PCLO: variants seen among roughly 807,000 people sequenced by gnomAD.
PCLO encodes piccolo presynaptic cytomatrix protein.
In PCLO, 82 loss-of-function variants were observed where a neutral mutation model predicts 427.5. The ratio of observed to expected loss-of-function variants is 0.19; its 90% CI spans 0.16 to 0.23. PCLO has a LOEUF of 0.23. Among genes scored for constraint, PCLO ranks in the 10% least tolerant of loss-of-function variants. The pLI is 1.00. For missense variants in PCLO, 6,239 were observed against 6,115.9 expected, an observed-to-expected ratio of 1.02 and a Z score of -0.67; for synonymous variants, 2,357 against 2,155.4, an observed-to-expected ratio of 1.09 and a Z score of -2.59.
chr7:82,962,728 T>C (rs1200192942), intron 4 of PCLO, among the ~76,000 whole-genome samples: 1 of 151,946 alleles, frequency 6.6e-6, no homozygotes, highest in Non-Finnish European at 1.5e-5. Flanking sequence ...ATTTCTCTGA[T>C]TGGAATTATA....
rs1386825988 is a variant in PCLO, at chr7:82,956,126, T to A, written c.4827A>T (p.Arg1609Ser). The A allele has an allele frequency of 6.2e-7, 1 of 1,609,406 alleles. No individual in the cohort carries two copies. Among genetic ancestry groups the A allele is most frequent in the Non-Finnish European group, 8.5e-7 (1 of 1,179,854 alleles). Reference sequence around the variant, plus strand: ...TTGTGCTACTTTTTCGAGTCAGTCGTCTGTGTTTCCCTGCTGTTATTTTGC... The same window carrying A: ...TTGTGCTACTTTTTCGAGTCAGTCGACTGTGTTTCCCTGCTGTTATTTTGC... ...GKGKITAGKH[R>S]RLTRKSSTSI... is the part of the protein sequence containing the mutation. The change falls in exon 5 of 25, where the codon AGA (arginine) becomes AGT (serine). Residue 1609 changes from arginine (R) to serine (S), a missense_variant. Around this residue, in one of 5 missense-constraint regions of PCLO, gnomAD observed 4,677 missense variants for 4,468.4 expected, o/e 1.05. Transcript: ENST00000333891.
chr7:82,971,425 T>C (rs1208609352), intron 3 of PCLO, among the ~76,000 whole-genome samples: 1 of 150,768 alleles, frequency 6.6e-6, no homozygotes, highest in Non-Finnish European at 1.5e-5. Context: ...TGTGTATATA[T>C]ATGTGTGTGT....
chr7:83,113,333 G>A (rs527796353), intron 3 of PCLO, among the ~76,000 whole-genome samples: 24 of 152,208 alleles, frequency 1.6e-4, no homozygotes, highest in African/African-American at 2.9e-4. Flanking sequence ...GGATCACCAC[G>A]CCTGTTTTCT....
chr7:82,902,273 G>A (rs1206229170), intron 9 of PCLO, among the ~76,000 whole-genome samples: 1 of 151,676 alleles, frequency 6.6e-6, no homozygotes, highest in African/African-American at 2.4e-5. Context: ...CATGTCCTTT[G>A]TAGGGACATG....
At chr7:82,987,358 T>A (rs1796279632) in intron 3 of PCLO, among the ~76,000 whole-genome samples, 1 of 152,118 alleles carries the variant, frequency 6.6e-6, no homozygotes, top group South Asian at 2.1e-4. Flanking sequence ...AATGCATACA[T>A]AATGTTTACC....
intron 21 of PCLO, among the ~76,000 whole-genome samples, chr7:82,803,179 A>G (rs969192360): frequency 6.6e-6 from 1 of 152,074 alleles, no homozygotes; most frequent in African/African-American, 2.4e-5. Context: ...TTAGCATTAG[A>G]GGGGAAAAAA....
chr7:82,792,847 G>T (rs1221929167), intron 22 of PCLO, among the ~76,000 whole-genome samples: 2 of 151,896 alleles, frequency 1.3e-5, no homozygotes, highest in Non-Finnish European at 2.9e-5. Context: ...GGTATATGAA[G>T]ATTTAGCTTT....
chr7:82,990,173 G>A, intron 3 of PCLO, among the ~76,000 whole-genome samples: 1 of 152,226 alleles, frequency 6.6e-6, no homozygotes, highest in Non-Finnish European at 1.5e-5. Flanking sequence ...GAGAGTCAAT[G>A]AATTCACTGT....
In PCLO at chr7:83,155,796, T is replaced by C; in HGVS notation, c.845A>G (p.Gln282Arg). 6.2e-7 allele frequency: 1 copy of C among 1,613,912 alleles called. No homozygotes were observed. Among genetic ancestry groups the C allele is most frequent in the Non-Finnish European group, 8.5e-7 (1 of 1,179,824 alleles). ...LPLQRDASRP[Q>R]TKQADIVRGE... ...CCTTACTATGTCTGCCTGTTTAGTC[T>C]GAGGCCTGGATGCATCTCGTTGAAG... Residue 282 changes from glutamine to arginine, a missense_variant, in exon 2 of 25, where the codon CAG (glutamine) becomes CGG (arginine). By Grantham distance (43) the Gln-to-Arg change is conservative. Transcript: ENST00000333891.
chr7:82,877,152 A>T (rs1793392874), intron 10 of PCLO, among the ~76,000 whole-genome samples: 1 of 152,078 alleles, frequency 6.6e-6, no homozygotes, highest in Non-Finnish European at 1.5e-5. Flanking sequence ...TTTAAAATTA[A>T]ACTTATGAAC....
At chr7:83,118,806 A>G (rs1791199913) in intron 3 of PCLO, among the ~76,000 whole-genome samples, 1 of 152,108 alleles carries the variant, frequency 6.6e-6, no homozygotes, top group South Asian at 2.1e-4. Flanking sequence ...CTCAAGTACT[A>G]CAAGGACTGG....
At chr7:82,899,881 C>T (rs1206899081) in intron 9 of PCLO, among the ~76,000 whole-genome samples, 1 of 151,372 alleles carries the variant, frequency 6.6e-6, no homozygotes, top group African/African-American at 2.4e-5. Flanking sequence ...AAAACAGGCA[C>T]ATTGGCATAG....
intron 3 of PCLO, among the ~76,000 whole-genome samples, chr7:83,065,498 T>TAAAA (rs780514400): frequency 9.6e-6 from 1 of 104,166 alleles, no homozygotes; most frequent in Non-Finnish European, 2.1e-5. Context: ...GCTCAAAATG[T>TAAAA]AAAAAAAAAA....
intron 3 of PCLO, among the ~76,000 whole-genome samples, chr7:83,093,493 T>TATATA (rs61169701): frequency 0.016 from 993 of 63,420 alleles, 17 homozygotes; most frequent in African/African-American, 0.06. Context: ...TATATATATA[T>TATATA]TTTTTTTTTT....
Position 82,791,059 on chromosome 7 carries a change from C to T in PCLO, c.15007+10459G>A, listed in dbSNP as rs1046063890. On this transcript the variant is annotated intron_variant, in intron 22 of 24. Coordinates refer to ENST00000333891, the MANE Select transcript of PCLO (RefSeq NM_033026.6). Reference sequence around the variant, plus strand: ...TATCAAGTGGGCACTTTGTGCAAGTCCCTGTGCCAGACACTGGGAATAGCA... The same window carrying T: ...TATCAAGTGGGCACTTTGTGCAAGTTCCTGTGCCAGACACTGGGAATAGCA... Among the ~76,000 whole-genome samples the T allele has an allele frequency of 3.3e-5, 5 of 152,244 alleles. No individual in the cohort carries two copies. The East Asian group carries it at 9.7e-4, about 29-fold the overall frequency.
intron 3 of PCLO, among the ~76,000 whole-genome samples, chr7:83,065,516 G>T (rs1399049336): frequency 7.8e-6 from 1 of 127,786 alleles, no homozygotes; most frequent in African/African-American, 3.0e-5. Flanking sequence ...AAAAAAAAAA[G>T]CAAGTACTCC....
At chr7:83,055,485 C>T (rs1224131347) in intron 3 of PCLO, among the ~76,000 whole-genome samples, 1 of 152,208 alleles carries the variant, frequency 6.6e-6, no homozygotes, top group Non-Finnish European at 1.5e-5. Context: ...TCTATTGCCC[C>T]CAACATTGCA....
chr7:82,880,556 A>T (rs778851230), intron 9 of PCLO: 5 of 215,012 alleles, frequency 2.3e-5, no homozygotes, highest in Non-Finnish European at 2.0e-5. Context: ...AGTGGCTCTC[A>T]AATGGGGGTG....
In PCLO at chr7:83,003,949, C is replaced by T. The variant is rs190164306; in HGVS notation, c.3301-37462G>A. ...ACTAAAAAAAAAAAAGTTTGGTAGA[C>T]TTCACCCATGAAGTTATCTGGTATT... On this transcript the variant is annotated intron_variant, in intron 3 of 24. Coordinates refer to ENST00000333891, the MANE Select transcript of PCLO (RefSeq NM_033026.6). Among the ~76,000 whole-genome samples the T allele has an allele frequency of 2.0e-5, 3 of 151,556 alleles. No individual in the cohort carries two copies. The Admixed American group carries it at 2.0e-4, about 10-fold the overall frequency.
Sources: gnomAD v4.1 joint callset for allele counts (sites outside exome capture counted in the v4.1 genomes callset) on GRCh38, gnomAD v4.1.1 for gene constraint, gnomAD v4.1.1 regional missense constraint, MANE v1.5 for transcripts, NCBI Gene and HGNC (gene_info 2026-07-23, HGNC 2026-07-21) for gene names.